PPFIBP1: variants seen among roughly 807,000 people sequenced by gnomAD.
The protein encoded by PPFIBP1 is PPFIB scaffold protein 1.
PPFIBP1 carries 112 observed loss-of-function variants against 137.8 expected under a neutral mutation model. The ratio of observed to expected loss-of-function variants is 0.81; its 90% CI spans 0.70 to 0.95. The LOEUF (loss-of-function observed/expected upper bound fraction) is 0.95. Ranked by LOEUF, PPFIBP1 falls within the 40% of genes least tolerant of loss-of-function variation. The pLI is 0.00. For missense variants in PPFIBP1, 1,083 were observed against 1,196.6 expected, an observed-to-expected ratio of 0.91 and a Z score of 1.40; for synonymous variants, 378 against 417.3, an observed-to-expected ratio of 0.91 and a Z score of 1.15.
chr12:27,672,414 C>G lies in PPFIBP1; in HGVS notation c.1263-13C>G. On this transcript the variant is annotated splice_polypyrimidine_tract_variant and intron_variant, in intron 14 of 29. Coordinates refer to ENST00000228425, the MANE Select transcript of PPFIBP1 (RefSeq NM_003622.4). ...GTGAAGTTAATAAATACCTTTTGTTCTTTACATTTTAGTGATGGAAACATA... is the reference window on the plus strand; with the variant it reads ...GTGAAGTTAATAAATACCTTTTGTTGTTTACATTTTAGTGATGGAAACATA... 6.3e-7 allele frequency: 1 copy of G among 1,597,668 alleles called. No individual in the cohort carries two copies. Among genetic ancestry groups the G allele is most frequent in the Non-Finnish European group, 8.6e-7 (1 of 1,166,460 alleles).
In PPFIBP1 at chr12:27,528,692, A is replaced by G. The variant is rs568897090; in HGVS notation, c.-124+4327A>G. Reference sequence around the variant, plus strand: ...TGGTGAGCATTTTTTTTCCACTTCAAAAAAAAACCTAACATACCAGACAAC... The same window carrying G: ...TGGTGAGCATTTTTTTTCCACTTCAGAAAAAAACCTAACATACCAGACAAC... On this transcript the variant is annotated intron_variant, in intron 1 of 29. Transcript: ENST00000228425. 1.0e-3 allele frequency among the ~76,000 whole-genome samples: 153 copies of G among 152,158 alleles called. 1 individual carries two copies. Among genetic ancestry groups the G allele is most frequent in the South Asian group, 5.8e-3 (28 of 4,816 alleles).
intron 2 of PPFIBP1, among the ~76,000 whole-genome samples, chr12:27,588,156 T>C (rs2052018322): frequency 6.6e-6 from 1 of 152,226 alleles, no homozygotes; most frequent in Non-Finnish European, 1.5e-5. Context: ...CTTCAGAAGG[T>C]GCATGATATT....
intron 1 of PPFIBP1, among the ~76,000 whole-genome samples, chr12:27,529,032 G>A (rs982878745): frequency 1.3e-5 from 2 of 152,220 alleles, no homozygotes; most frequent in Non-Finnish European, 2.9e-5. Context: ...TCATGTAGTG[G>A]TTTTATGTAC....
At chr12:27,586,783 G>C (rs966933298) in intron 2 of PPFIBP1, among the ~76,000 whole-genome samples, 1 of 152,116 alleles carries the variant, frequency 6.6e-6, no homozygotes, top group Non-Finnish European at 1.5e-5. Context: ...GACTATGCCT[G>C]TTCTTCTTGT....
chr12:27,658,802 G>GT lies in PPFIBP1; in HGVS notation c.812-10dup. On this transcript the variant is annotated splice_polypyrimidine_tract_variant and intron_variant, in intron 9 of 29. Transcript: ENST00000228425. ...TGTATGCTAACTTCCAATCCAATGG[G>GT]TTTTCCTGCACAGATGAAAATTTTA... is the stretch of plus-strand genomic sequence containing the variant. 4 of 1,609,604 alleles carry GT rather than the reference G, an allele frequency of 2.5e-6. No individual in the cohort carries two copies. The highest frequency in any genetic ancestry group is 3.4e-6 in the Non-Finnish European group (4 of 1,176,704).
intron 2 of PPFIBP1, among the ~76,000 whole-genome samples, chr12:27,632,164 A>C (rs2057313047): frequency 6.6e-6 from 1 of 152,212 alleles, no homozygotes; most frequent in Non-Finnish European, 1.5e-5. Context: ...ACTTTAAATC[A>C]AAATAATATT....
At chr12:27,548,705 G>GT (rs1306771711) in intron 1 of PPFIBP1, 1 of 152,226 alleles carries the variant, frequency 6.6e-6, no homozygotes, top group Non-Finnish European at 1.5e-5. Flanking sequence ...CATCTGAGTA[G>GT]TTTGAGTGTA....
intron 2 of PPFIBP1, chr12:27,584,074 T>C (rs1240598995): frequency 6.6e-6 from 1 of 152,216 alleles, no homozygotes; most frequent in Non-Finnish European, 1.5e-5. Context: ...ACCACAGTGT[T>C]TTTGCCAACT....
chr12:27,680,193 C>T (rs2060797473), intron 21 of PPFIBP1, 132 bp downstream of exon 21: 1 of 1,261,138 alleles, frequency 7.9e-7, no homozygotes, highest in Non-Finnish European at 1.1e-6. Flanking sequence ...AAGGGGCCAT[C>T]ATCTTTAGAG....
At chr12:27,546,284 A>G (rs1184162808) in intron 1 of PPFIBP1, among the ~76,000 whole-genome samples, 4 of 152,240 alleles carry the variant, frequency 2.6e-5, no homozygotes, top group Non-Finnish European at 5.9e-5. Flanking sequence ...TCACTTAAGC[A>G]GTTATAAAAT....
At chr12:27,673,918 C>T (rs1281229238) in intron 16 of PPFIBP1, 91 bp downstream of exon 16, 1 of 1,158,862 alleles carries the variant, frequency 8.6e-7, no homozygotes, top group East Asian at 2.4e-5. Flanking sequence ...GCAAATAAAA[C>T]TCTTATGAAG....
intron 1 of PPFIBP1, among the ~76,000 whole-genome samples, chr12:27,551,757 T>G (rs1488530068): frequency 1.3e-5 from 2 of 152,228 alleles, no homozygotes; most frequent in East Asian, 1.9e-4. Flanking sequence ...AATTAATGAT[T>G]TTTATTTTGA....
At chr12:27,673,063 A>G (rs1463288252) in intron 15 of PPFIBP1, among the ~76,000 whole-genome samples, 1 of 152,220 alleles carries the variant, frequency 6.6e-6, no homozygotes, top group Non-Finnish European at 1.5e-5. Flanking sequence ...GAAAGTTTGT[A>G]AATGTGCATA....
chr12:27,530,526 T>C (rs1188821261), intron 1 of PPFIBP1, among the ~76,000 whole-genome samples: 8 of 152,232 alleles, frequency 5.3e-5, no homozygotes, highest in Non-Finnish European at 7.3e-5. Context: ...TCTTTTATTG[T>C]TTTTCTCTAC....
chr12:27,647,691 T>G (rs1383736387), intron 5 of PPFIBP1, 38 bp from the exon 6 acceptor site: 1 of 1,334,514 alleles, frequency 7.5e-7, no homozygotes, highest in East Asian at 2.6e-5. Flanking sequence ...GGACCCAAAT[T>G]CTTTTTCACT....
chr12:27,589,046 T>G (rs981628101), intron 2 of PPFIBP1, among the ~76,000 whole-genome samples: 3 of 152,182 alleles, frequency 2.0e-5, no homozygotes, highest in Non-Finnish European at 4.4e-5. Context: ...TTTGAGGTAT[T>G]AGTAGGTAGC....
At chr12:27,592,290 C>T (rs1413365902) in intron 2 of PPFIBP1, among the ~76,000 whole-genome samples, 7 of 152,194 alleles carry the variant, frequency 4.6e-5, no homozygotes, top group Non-Finnish European at 1.0e-4. Flanking sequence ...CAAAAAAGAA[C>T]AGCACATATG....
intron 24 of PPFIBP1, among the ~76,000 whole-genome samples, chr12:27,685,364 G>T (rs2061143803): frequency 6.6e-6 from 1 of 151,856 alleles, no homozygotes; most frequent in Non-Finnish European, 1.5e-5. Context: ...ATAAAGGAAG[G>T]AATCGAGAGG....
intron 7 of PPFIBP1, among the ~76,000 whole-genome samples, chr12:27,650,799 T>C (rs2058830449): frequency 6.6e-6 from 1 of 152,232 alleles, no homozygotes; most frequent in Admixed American, 6.5e-5. Flanking sequence ...CTTTGTGACA[T>C]TTGGCAAGTT....
Sources: allele counts gnomAD v4.1 joint callset (sites outside exome capture counted in the v4.1 genomes callset), GRCh38; gene constraint gnomAD v4.1.1; transcripts MANE v1.5; gene names NCBI Gene and HGNC (gene_info 2026-07-23, HGNC 2026-07-21).